The following CSMD1 variants were observed in gnomAD, a reference collection of about 807,000 sequenced individuals.
CSMD1 encodes the protein CUB and sushi domain-containing protein 1.
Under a neutral mutation model 417.5 loss-of-function variants are expected in CSMD1, and 213 were observed. That is an observed-to-expected ratio of 0.51 (90% CI 0.46 to 0.57). The LOEUF is 0.57. CSMD1 is among the 20% of genes least tolerant of loss of function. The probability of loss-of-function intolerance (pLI) is 0.00; values close to 1 mark genes in which losing one functional copy is unlikely to be tolerated. For missense variants in CSMD1, 6,923 were observed against 4,529.7 expected, an observed-to-expected ratio of 1.53 and a Z score of -15.17; for synonymous variants, 2,862 against 1,736.8, an observed-to-expected ratio of 1.65 and a Z score of -16.11.
intron 2 of CSMD1, among the ~76,000 whole-genome samples, chr8:4,441,554 T>C (rs1432410769): frequency 1.3e-5 from 2 of 152,150 alleles, no homozygotes; most frequent in African/African-American, 2.4e-5. Context: ...TAGAAGCACA[T>C]GAAAGCCTAT....
intron 8 of CSMD1, among the ~76,000 whole-genome samples, chr8:3,599,733 C>T (rs974655628): frequency 1.3e-5 from 2 of 152,176 alleles, no homozygotes; most frequent in African/African-American, 2.4e-5. Context: ...CCAACCTATA[C>T]CTTGCACTCC....
At chr8:4,105,714 C>A (rs531600819) in intron 3 of CSMD1, among the ~76,000 whole-genome samples, 1 of 152,324 alleles carries the variant, frequency 6.6e-6, no homozygotes, top group Admixed American at 6.5e-5. Flanking sequence ...TACCCCATGG[C>A]AAGATCAACC....
At chr8:4,922,630 A>G (rs1417665862) in intron 1 of CSMD1, among the ~76,000 whole-genome samples, 1 of 152,190 alleles carries the variant, frequency 6.6e-6, no homozygotes, top group Non-Finnish European at 1.5e-5. Context: ...ACAAGAAACA[A>G]CACATCTTGT....
At chr8:4,299,533 A>C (rs1478214012) in intron 3 of CSMD1, among the ~76,000 whole-genome samples, 4 of 152,234 alleles carry the variant, frequency 2.6e-5, no homozygotes, top group Non-Finnish European at 4.4e-5. Context: ...TATATTGCAA[A>C]GAAAAATCAG....
chr8:3,534,486 C>T lies in CSMD1; in HGVS notation c.1344+40459G>A, dbSNP rs17066341. Among the ~76,000 whole-genome samples the T allele has an allele frequency of 1.9e-4, 27 of 141,780 alleles. No individual in the cohort carries two copies. In the Middle Eastern group the frequency reaches 0.016, roughly 83 times the overall value. 93.0% of individuals were successfully genotyped at this position (141,780 alleles called of 152,430 possible). ...TTATGACACCCTCTCTCATGCTCAGCGATAAGTAGATATTTTTGGCTTTCT... is the reference window on the plus strand; with the variant it reads ...TTATGACACCCTCTCTCATGCTCAGTGATAAGTAGATATTTTTGGCTTTCT... On this transcript the variant is annotated intron_variant, in intron 10 of 69. Transcript: ENST00000635120.
intron 16 of CSMD1, among the ~76,000 whole-genome samples, 161 bp downstream of exon 16, chr8:3,399,230 G>T (rs565422495): frequency 7.2e-5 from 11 of 152,262 alleles, no homozygotes; most frequent in African/African-American, 2.6e-4. Flanking sequence ...TACCACTGAA[G>T]AAGAACAAAA....
intron 3 of CSMD1, among the ~76,000 whole-genome samples, chr8:4,375,128 C>T (rs910105123): frequency 4.6e-5 from 7 of 151,948 alleles, no homozygotes. Context: ...TCAAAAATGG[C>T]AACTGTAGAT....
intron 1 of CSMD1, among the ~76,000 whole-genome samples, chr8:4,778,571 A>C (rs17071304): frequency 6.6e-6 from 1 of 152,080 alleles, no homozygotes; most frequent in African/African-American, 2.4e-5. Flanking sequence ...TAGGAAGATC[A>C]ACCTGGAAAT....
chr8:3,773,928 T>G (rs775348718), intron 5 of CSMD1, among the ~76,000 whole-genome samples: 4 of 152,152 alleles, frequency 2.6e-5, no homozygotes, highest in Non-Finnish European at 5.9e-5. Flanking sequence ...GTTGAGTAAT[T>G]TGCATGACAT....
At chr8:3,059,252 CAA>C (rs34479938) in intron 49 of CSMD1, among the ~76,000 whole-genome samples, 67,078 of 139,954 alleles carry the variant, frequency 0.48, 15,982 homozygotes, top group Non-Finnish European at 0.56. Flanking sequence ...CCCCAGACAT[CAA>C]AAAAAAAAAA....
intron 49 of CSMD1, among the ~76,000 whole-genome samples, chr8:3,077,167 G>A (rs1367792550): frequency 6.6e-6 from 1 of 152,212 alleles, no homozygotes; most frequent in African/African-American, 2.4e-5. Flanking sequence ...GAATCGTGCA[G>A]GGCTGGGAGT....
chr8:3,042,136 T>C (rs1811140481), intron 50 of CSMD1, among the ~76,000 whole-genome samples: 1 of 152,128 alleles, frequency 6.6e-6, no homozygotes, highest in Non-Finnish European at 1.5e-5. Flanking sequence ...TGGGGACAAT[T>C]CTCCAGGGGT....
chr8:3,454,918 G>T (rs960936313), intron 12 of CSMD1, among the ~76,000 whole-genome samples: 2 of 152,118 alleles, frequency 1.3e-5, no homozygotes, highest in Non-Finnish European at 1.5e-5. Flanking sequence ...TTCCAACTTG[G>T]TTCCATTCTC....
At chr8:3,996,543 C>G (rs911571578) in intron 5 of CSMD1, among the ~76,000 whole-genome samples, 1 of 152,048 alleles carries the variant, frequency 6.6e-6, no homozygotes, top group Non-Finnish European at 1.5e-5. Context: ...AGGTTATCCA[C>G]CTCTCGGCTC....
intron 5 of CSMD1, among the ~76,000 whole-genome samples, chr8:3,928,069 T>C (rs945394635): frequency 6.6e-6 from 1 of 152,148 alleles, no homozygotes; most frequent in Non-Finnish European, 1.5e-5. Flanking sequence ...CCCCACTTTA[T>C]TCAAGGAGGC....
chr8:3,982,822 G>A (rs565801342), intron 5 of CSMD1, among the ~76,000 whole-genome samples: 3 of 152,194 alleles, frequency 2.0e-5, no homozygotes, highest in Non-Finnish European at 2.9e-5. Context: ...AGGGGAGCAC[G>A]ATGGTCACTT....
intron 1 of CSMD1, among the ~76,000 whole-genome samples, chr8:4,686,456 G>T (rs905232560): frequency 2.6e-5 from 4 of 152,202 alleles, no homozygotes; most frequent in African/African-American, 9.6e-5. Context: ...GGCCTTGTGC[G>T]AGAGGGGGCC....
At chr8:3,198,315 A>T (rs1474830162) in intron 33 of CSMD1, among the ~76,000 whole-genome samples, 12 of 152,232 alleles carry the variant, frequency 7.9e-5, no homozygotes, top group Non-Finnish European at 1.5e-4. Context: ...ATGTTGAGGC[A>T]GCCCAGTTTC....
intron 3 of CSMD1, among the ~76,000 whole-genome samples, chr8:4,405,040 G>A (rs182910461): frequency 2.6e-5 from 4 of 152,224 alleles, no homozygotes; most frequent in Admixed American, 6.5e-5. Flanking sequence ...CTAGCATGTC[G>A]TGACTATGCT....
Sources: gnomAD v4.1 joint callset for allele counts (sites outside exome capture counted in the v4.1 genomes callset) on GRCh38, gnomAD v4.1.1 for gene constraint, MANE v1.5 for transcripts, NCBI Gene and HGNC (gene_info 2026-07-23, HGNC 2026-07-21) for gene names.